CORO2B: variants seen among roughly 807,000 people sequenced by gnomAD.
CORO2B encodes the protein coronin-2B.
A neutral mutation model predicts 58.8 loss-of-function variants in CORO2B; 26 were observed. The ratio of observed to expected loss-of-function variants is 0.44; its 90% confidence interval spans 0.32 to 0.61. The LOEUF (loss-of-function observed/expected upper bound fraction) is 0.61. CORO2B is among the 20% of genes least tolerant of loss of function. The pLI is 0.04. For synonymous variants in CORO2B, 242 were observed against 253.8 expected (o/e 0.95, Z 0.44); for missense variants, 460 against 645.1 (o/e 0.71, Z 3.11).
chr15:68,611,033 GAAC>G (rs1900235392), intron 1 of CORO2B, among the ~76,000 whole-genome samples: 1 of 152,162 alleles, frequency 6.6e-6, no homozygotes, highest in South Asian at 2.1e-4. Flanking sequence ...TTCACGTACT[GAAC>G]AACAGCTAAG....
At chr15:68,673,951 AC>A (rs1302913486) in intron 2 of CORO2B, among the ~76,000 whole-genome samples, 9 of 151,962 alleles carry the variant, frequency 5.9e-5, no homozygotes, top group African/African-American at 2.2e-4. Flanking sequence ...AGAAGGGTTG[AC>A]TTTTTCGGTG....
the CORO2B span, among the ~76,000 whole-genome samples, chr15:68,533,308 G>A: frequency 6.6e-6 from 1 of 152,084 alleles, no homozygotes; most frequent in Non-Finnish European, 1.5e-5. Flanking sequence ...GGATTCTGTT[G>A]CTGTATTATA....
intron 3 of CORO2B, among the ~76,000 whole-genome samples, chr15:68,700,092 C>T (rs569462930): frequency 6.6e-6 from 1 of 152,152 alleles, no homozygotes; most frequent in Non-Finnish European, 1.5e-5. Context: ...CCCACGGCCT[C>T]CCTGCCTCCT....
chr15:68,591,692 G>A lies in CORO2B; in HGVS notation c.15+12415G>A, dbSNP rs1282748035. Among the ~76,000 whole-genome samples, 9 of 152,294 alleles carry A rather than the reference G, an allele frequency of 5.9e-5. No homozygotes were observed. The South Asian group carries it at 1.7e-3, about 28-fold the overall frequency. ...GTCTCTCCCTGTGCCTGGGAGCTGG[G>A]TGTCACATATGCCCCACCCCATACC... is the stretch of plus-strand genomic sequence containing the variant. On this transcript the variant is annotated intron_variant, in intron 1 of 11. Coordinates refer to ENST00000261861, the MANE Select transcript of CORO2B (RefSeq NM_006091.5).
intron 1 of CORO2B, among the ~76,000 whole-genome samples, chr15:68,623,543 G>A (rs962637108): frequency 4.4e-5 from 6 of 136,482 alleles, no homozygotes; most frequent in Admixed American, 7.4e-5. Flanking sequence ...AGCCTCTCCC[G>A]CCCTGCATGT....
In CORO2B at chr15:68,599,179, T is replaced by C. The variant is rs76396141; in HGVS notation, c.15+19902T>C. The stretch of plus-strand genomic sequence containing the variant: ...CTCTCTACTTGAAAAGTCTGATTCC[T>C]GCTTTCAAAGCCCAAAGTGCGACCT... On this transcript the variant is annotated intron_variant, in intron 1 of 11. Transcript: ENST00000261861. Among the ~76,000 whole-genome samples the C allele has an allele frequency of 9.2e-3, 1,404 of 152,358 alleles. 13 individuals are homozygous for C. The highest frequency in any genetic ancestry group is 0.015 in the Non-Finnish European group (1,024 of 68,032).
chr15:68,609,941 G>A (rs543690632), intron 1 of CORO2B, among the ~76,000 whole-genome samples: 1 of 152,270 alleles, frequency 6.6e-6, no homozygotes, highest in Admixed American at 6.5e-5. Flanking sequence ...TGGCCAGCTA[G>A]CCCATCCCCA....
At chr15:68,651,054 G>A (rs1901624959) in intron 2 of CORO2B, among the ~76,000 whole-genome samples, 1 of 152,232 alleles carries the variant, frequency 6.6e-6, no homozygotes, top group South Asian at 2.1e-4. Flanking sequence ...AGGACCCATA[G>A]TGAAGGAATG....
chr15:68,570,799 GTT>G, the CORO2B span, among the ~76,000 whole-genome samples: 12 of 78,772 alleles, frequency 1.5e-4, no homozygotes, highest in African/African-American at 3.7e-4. Context: ...ACTACACGTA[GTT>G]TTTTTTTTTT....
At chr15:68,708,331 T>C (rs1416551397) in intron 3 of CORO2B, among the ~76,000 whole-genome samples, 1 of 151,864 alleles carries the variant, frequency 6.6e-6, no homozygotes, top group Non-Finnish European at 1.5e-5. Context: ...GGACTTCTGG[T>C]CTGCCTTTGG....
chr15:68,611,538 CTGTT>C (rs1900247229), intron 1 of CORO2B, among the ~76,000 whole-genome samples: 1 of 151,964 alleles, frequency 6.6e-6, no homozygotes, highest in Admixed American at 6.6e-5. Flanking sequence ...TTTTTTATCT[CTGTT>C]TGGATATATC....
chr15:68,609,132 G>T (rs1371932692), intron 1 of CORO2B, among the ~76,000 whole-genome samples: 2 of 152,200 alleles, frequency 1.3e-5, no homozygotes, highest in Non-Finnish European at 2.9e-5. Flanking sequence ...GGCCTCCAGG[G>T]ATGGTTGGGA....
In CORO2B at chr15:68,725,771, T is replaced by C. The variant is rs1361329052; in HGVS notation, c.1312-72T>C. ...GCACGGGCGGCAGGCAGCTGGAGAC[T>C]CACCTGGGAAATCCTTGTCTCACCT... On this transcript the variant is annotated intron_variant, in intron 11 of 11. Coordinates refer to ENST00000261861, the MANE Select transcript of CORO2B (RefSeq NM_006091.5). The C allele has an allele frequency of 1.2e-5, 19 of 1,584,710 alleles. No individual in the cohort carries two copies. The South Asian group carries it at 1.3e-4, about 11-fold the overall frequency.
At chr15:68,520,594 A>G in the CORO2B span, among the ~76,000 whole-genome samples, 2 of 152,188 alleles carry the variant, frequency 1.3e-5, no homozygotes, top group African/African-American at 4.8e-5. Context: ...ATATTTTTCT[A>G]TCCGTTTACT....
At chr15:68,616,618 A>C in intron 1 of CORO2B, 6 of 985,468 alleles carry the variant, frequency 6.1e-6, no homozygotes, top group Non-Finnish European at 7.2e-6. Context: ...ACAAGCGGTG[A>C]GTACGGCTGT....
chr15:68,579,218 CCCG>C lies in CORO2B; in HGVS notation c.-43_-41del. The C allele has an allele frequency of 9.4e-7, 1 of 1,064,576 alleles. No homozygotes were observed. Among genetic ancestry groups the C allele is most frequent in the Non-Finnish European group, 1.1e-6 (1 of 884,730 alleles). 65.9% of individuals were successfully genotyped at this position (1,064,576 alleles called of 1,614,324 possible). A position where few individuals can be genotyped will look rare whatever the true frequency, so the allele number is the denominator to read the frequency against. ...GCCGCCCCGGGCCGCCGCCGCCGCC[CCCG>C]CACGCCGCGCCCGCGCCCCCGCTCC... On this transcript the variant is annotated 5_prime_UTR_variant, in exon 1 of 12. Coordinates refer to ENST00000261861, the MANE Select transcript of CORO2B (RefSeq NM_006091.5).
At position 68,645,335 on chromosome 15, in the gene CORO2B, C is replaced by T. The variant is rs756704125; in HGVS notation, c.191C>T (p.Ser64Phe). 6.2e-7 allele frequency: 1 copy of T among 1,612,300 alleles called. No homozygotes were observed. The highest frequency in any genetic ancestry group is 8.5e-7 in the Non-Finnish European group (1 of 1,180,002). The change falls in exon 2 of 12, where the codon TCC (serine) becomes TTC (phenylalanine). Residue 64 changes from serine (S) to phenylalanine (F), a missense_variant. Ser to Phe is a radical substitution (Grantham distance 155). Coordinates refer to ENST00000261861, the MANE Select transcript of CORO2B (RefSeq NM_006091.5). This position sits in a 1 kb window ranked among gnomAD's most constrained non-coding sequence, Gnocchi z 4.5. Reference sequence around the variant, plus strand: ...GTCACCGAGAGCGCAGGGGGCGGCTCCTTCCTCGTCATCCCCCTGGAGCAG... The same window carrying T: ...GTCACCGAGAGCGCAGGGGGCGGCTTCTTCCTCGTCATCCCCCTGGAGCAG... Reference protein sequence around the residue: ...AIVTESAGGGSFLVIPLEQTG... With the variant: ...AIVTESAGGGFFLVIPLEQTG...
chr15:68,576,173 A>AAAAG (rs1555409379), upstream of CORO2B, among the ~76,000 whole-genome samples: 60 of 103,898 alleles, frequency 5.8e-4, 2 homozygotes, highest in East Asian at 1.2e-3. Flanking sequence ...AAAAAAAAAA[A>AAAAG]AAAGAAAGAA....
At chr15:68,688,255 G>C (rs1441378295) in intron 2 of CORO2B, among the ~76,000 whole-genome samples, 4 of 152,182 alleles carry the variant, frequency 2.6e-5, no homozygotes, top group Admixed American at 2.6e-4. Flanking sequence ...GAAGCTGCTA[G>C]TAATATCCAA....
Sources: allele counts gnomAD v4.1 joint callset (sites outside exome capture counted in the v4.1 genomes callset), GRCh38; gene constraint gnomAD v4.1.1; non-coding constraint Gnocchi (gnomAD v3.1); transcripts MANE v1.5; gene names NCBI Gene and HGNC (gene_info 2026-07-23, HGNC 2026-07-21).